CRIM1: variants seen among roughly 807,000 people sequenced by gnomAD.
CRIM1 encodes cysteine rich transmembrane BMP regulator 1.
In CRIM1, 32 loss-of-function variants were observed where a neutral mutation model predicts 116.4. That is an observed-to-expected ratio of 0.27 (90% CI 0.21 to 0.37). The LOEUF is 0.37. Ranked by LOEUF, CRIM1 falls within the 10% of genes least tolerant of loss-of-function variation. The pLI, the probability that CRIM1 is intolerant of heterozygous loss-of-function variation, is 1.00. For synonymous variants in CRIM1, 590 were observed against 509.2 expected (o/e 1.16, Z -2.13); for missense variants, 1,331 against 1,354.8 (o/e 0.98, Z 0.28).
intron 5 of CRIM1, among the ~76,000 whole-genome samples, chr2:36,470,428 C>A (rs566442678): frequency 3.9e-5 from 6 of 152,232 alleles, no homozygotes; most frequent in Non-Finnish European, 7.4e-5. Context: ...GAGAAGCAGT[C>A]AATGCCTGGC....
Position 36,363,757 on chromosome 2 carries a change from C to T in CRIM1, c.331+7134C>T, listed in dbSNP as rs536157640. 1.3e-4 allele frequency among the ~76,000 whole-genome samples: 20 copies of T among 152,234 alleles called. No individual in the cohort carries two copies. In the South Asian group the frequency reaches 4.1e-3, roughly 32 times the overall value. ...TGTGCACTTTGCTTCACATTATCTT[C>T]TGGGAGGAAATTTTGCTCCTAGCTC... On this transcript the variant is annotated intron_variant, in intron 1 of 16. Coordinates refer to ENST00000280527, the MANE Select transcript of CRIM1 (RefSeq NM_016441.3).
intron 7 of CRIM1, among the ~76,000 whole-genome samples, chr2:36,493,168 G>C (rs1680348922): frequency 6.6e-6 from 1 of 152,068 alleles, no homozygotes; most frequent in Non-Finnish European, 1.5e-5. Context: ...CAGCACTTTA[G>C]GAGGCTGAGG....
At chr2:36,438,259 TA>T (rs1675485098) in intron 2 of CRIM1, among the ~76,000 whole-genome samples, 1 of 152,070 alleles carries the variant, frequency 6.6e-6, no homozygotes, top group Non-Finnish European at 1.5e-5. Context: ...TTTTGTAAAA[TA>T]AAAATGTAAT....
At chr2:36,425,654 G>C (rs1367072240) in intron 2 of CRIM1, among the ~76,000 whole-genome samples, 1 of 152,130 alleles carries the variant, frequency 6.6e-6, no homozygotes, top group African/African-American at 2.4e-5. Flanking sequence ...ACTCAAAAGG[G>C]GGCTTACTGG....
intron 4 of CRIM1, among the ~76,000 whole-genome samples, chr2:36,444,456 G>T (rs983120319): frequency 6.6e-6 from 1 of 152,338 alleles, no homozygotes; most frequent in South Asian, 2.1e-4. Context: ...AGGTTGGAAA[G>T]GAGGTTGAAC....
chr2:36,472,842 C>T (rs1678642245), intron 5 of CRIM1, among the ~76,000 whole-genome samples: 1 of 152,126 alleles, frequency 6.6e-6, no homozygotes, highest in Non-Finnish European at 1.5e-5. Context: ...AGTGTAGCTG[C>T]ACAATTCCTT....
At chr2:36,373,853 T>C (rs1670116179) in intron 1 of CRIM1, among the ~76,000 whole-genome samples, 1 of 152,200 alleles carries the variant, frequency 6.6e-6, no homozygotes, top group South Asian at 2.1e-4. Context: ...GTCTGTTATG[T>C]CCATTCTTCT....
At chr2:36,424,921 T>G (rs1674339468) in intron 2 of CRIM1, among the ~76,000 whole-genome samples, 1 of 152,218 alleles carries the variant, frequency 6.6e-6, no homozygotes, top group South Asian at 2.1e-4. Context: ...TTTTGTTAAA[T>G]TATTTCCTCT....
chr2:36,358,135 A>T (rs1668981006), intron 1 of CRIM1, among the ~76,000 whole-genome samples: 1 of 149,168 alleles, frequency 6.7e-6, no homozygotes, highest in Non-Finnish European at 1.5e-5. Flanking sequence ...ATTGGGTTAG[A>T]AGAGATCATT....
At chr2:36,384,641 G>A (rs1201000629) in intron 1 of CRIM1, among the ~76,000 whole-genome samples, 1 of 152,180 alleles carries the variant, frequency 6.6e-6, no homozygotes, top group Non-Finnish European at 1.5e-5. Flanking sequence ...TCCACCCAAG[G>A]TATTCATATG....
At chr2:36,547,956 C>G (rs550342919) in intron 16 of CRIM1, among the ~76,000 whole-genome samples, 7 of 152,292 alleles carry the variant, frequency 4.6e-5, no homozygotes, top group Non-Finnish European at 1.0e-4. Flanking sequence ...CTGGTTAACC[C>G]TTCCATGTAA....
At chr2:36,495,533 A>G (rs989183041) in intron 7 of CRIM1, among the ~76,000 whole-genome samples, 3 of 138,926 alleles carry the variant, frequency 2.2e-5, no homozygotes, top group Non-Finnish European at 4.6e-5. Flanking sequence ...CTATGATTCT[A>G]GATTCTTTAA....
intron 13 of CRIM1, among the ~76,000 whole-genome samples, chr2:36,535,060 T>C (rs1666437757): frequency 6.6e-6 from 1 of 150,514 alleles, no homozygotes; most frequent in African/African-American, 2.5e-5. Flanking sequence ...CCCATCATTA[T>C]TCTCATGTGT....
Position 36,396,789 on chromosome 2 carries a change from T to A in CRIM1, c.505+2T>A. 6.2e-7 allele frequency: 1 copy of A among 1,604,090 alleles called. No individual in the cohort carries two copies. Among genetic ancestry groups the A allele is most frequent in the Non-Finnish European group, 8.5e-7 (1 of 1,172,110 alleles). On this transcript the variant is annotated splice_donor_variant, in intron 2 of 16. Transcript: ENST00000280527. LOFTEE classifies it high-confidence loss of function. The stretch of plus-strand genomic sequence containing the variant: ...TTTCAGCTTTAAAGAGAATTGAAGG[T>A]AAGCATTAATTTTTGTTAACCATCC...
intron 8 of CRIM1, among the ~76,000 whole-genome samples, chr2:36,508,731 C>G (rs888245410): frequency 1.3e-5 from 2 of 152,154 alleles, no homozygotes; most frequent in African/African-American, 4.8e-5. Flanking sequence ...TTAAACATTT[C>G]TATTTCCCTT....
chr2:36,429,980 G>A (rs751171028), intron 2 of CRIM1, among the ~76,000 whole-genome samples: 3 of 152,126 alleles, frequency 2.0e-5, no homozygotes, highest in East Asian at 1.9e-4. Context: ...AAAATAAGCC[G>A]GGGTTCTCAT....
At chr2:36,519,723 C>G (rs1375941117) in intron 12 of CRIM1, among the ~76,000 whole-genome samples, 2 of 152,286 alleles carry the variant, frequency 1.3e-5, no homozygotes, top group African/African-American at 2.4e-5. Context: ...TCAGCTTTCC[C>G]TCTTCTCTGG....
intron 2 of CRIM1, among the ~76,000 whole-genome samples, chr2:36,433,917 A>T (rs182136384): frequency 3.7e-4 from 57 of 152,176 alleles, no homozygotes; most frequent in African/African-American, 1.3e-3. Flanking sequence ...CTAAATTCGG[A>T]GTCTTAAGAT....
chr2:36,537,762 C>T (rs757299294), intron 14 of CRIM1, among the ~76,000 whole-genome samples: 34 of 152,192 alleles, frequency 2.2e-4, no homozygotes, highest in Non-Finnish European at 3.5e-4. Flanking sequence ...CAGAATTCCT[C>T]GGGTTCTTTT....
Sources: allele counts gnomAD v4.1 joint callset (sites outside exome capture counted in the v4.1 genomes callset), GRCh38; gene constraint gnomAD v4.1.1; transcripts MANE v1.5; gene names NCBI Gene and HGNC (gene_info 2026-07-23, HGNC 2026-07-21).